The following SCHIP1 variants were observed in gnomAD, a reference collection of about 807,000 sequenced individuals.
SCHIP1 encodes schwannomin interacting protein 1.
A neutral mutation model predicts 29.7 loss-of-function variants in SCHIP1; 8 were observed. That is an observed-to-expected ratio of 0.27 (90% CI 0.16 to 0.49). SCHIP1 has a LOEUF of 0.49. SCHIP1 is among the 20% of genes least tolerant of loss of function. The pLI is 0.99. For synonymous variants in SCHIP1, 76 were observed against 94.9 expected (o/e 0.80, Z 1.16); for missense variants, 193 against 294.6 (o/e 0.66, Z 2.52).
At chr3:159,635,996 G>GA in the SCHIP1 span, among the ~76,000 whole-genome samples, 74 of 151,478 alleles carry the variant, frequency 4.9e-4, 1 homozygote, top group East Asian at 4.8e-3. Flanking sequence ...TTTTTCTTTT[G>GA]AAAAAAAATG....
chr3:159,802,055 A>T, the SCHIP1 span, among the ~76,000 whole-genome samples: 1 of 152,346 alleles, frequency 6.6e-6, no homozygotes, highest in Non-Finnish European at 1.5e-5. Flanking sequence ...TTATTAAATC[A>T]CAGGTCTATG....
At chr3:159,547,486 G>A in the SCHIP1 span, among the ~76,000 whole-genome samples, 1 of 152,266 alleles carries the variant, frequency 6.6e-6, no homozygotes, top group African/African-American at 2.4e-5. Context: ...TGAAGCCTTT[G>A]CCCATGCCTA....
chr3:159,889,044 T>C, intron 5 of SCHIP1, 101 bp downstream of exon 6: 5 of 1,419,934 alleles, frequency 3.5e-6, no homozygotes, highest in South Asian at 1.5e-5. Context: ...TTTCATTGGG[T>C]TCCTGTGTGA....
the SCHIP1 span, among the ~76,000 whole-genome samples, chr3:159,791,818 G>A: frequency 6.6e-6 from 1 of 152,130 alleles, no homozygotes; most frequent in Non-Finnish European, 1.5e-5. Flanking sequence ...TAAAGAACAA[G>A]GAAAGGAATC....
the SCHIP1 span, among the ~76,000 whole-genome samples, chr3:159,385,016 G>A: frequency 3.3e-5 from 5 of 151,756 alleles, no homozygotes; most frequent in African/African-American, 1.2e-4. Context: ...TTCTTTATTA[G>A]TCTTGCTAGC....
the SCHIP1 span, among the ~76,000 whole-genome samples, chr3:159,682,254 T>A: frequency 1.1e-4 from 17 of 152,168 alleles, no homozygotes; most frequent in Non-Finnish European, 4.4e-5. Flanking sequence ...TTCTTCCTCT[T>A]CCCTTTTTCT....
the SCHIP1 span, among the ~76,000 whole-genome samples, chr3:159,281,411 C>T: frequency 1.3e-5 from 2 of 152,104 alleles, no homozygotes; most frequent in African/African-American, 4.8e-5. Context: ...GCGCCTAAAA[C>T]ACATATGCAC....
chr3:159,294,902 A>G, the SCHIP1 span, among the ~76,000 whole-genome samples: 1 of 152,006 alleles, frequency 6.6e-6, no homozygotes, highest in African/African-American at 2.4e-5. Flanking sequence ...AATTAGGAAT[A>G]CTCTTCATAA....
At chr3:159,822,640 C>T in the SCHIP1 span, among the ~76,000 whole-genome samples, 1 of 143,630 alleles carries the variant, frequency 7.0e-6, no homozygotes, top group Non-Finnish European at 1.5e-5. Context: ...AAAGTAGATG[C>T]GGTTTTTGCC....
the SCHIP1 span, among the ~76,000 whole-genome samples, chr3:159,429,328 C>A: frequency 6.6e-6 from 1 of 151,874 alleles, no homozygotes; most frequent in Non-Finnish European, 1.5e-5. Context: ...TCCCCTACTT[C>A]GTGCTATGAA....
the SCHIP1 span, among the ~76,000 whole-genome samples, chr3:159,817,738 T>A: frequency 1.3e-5 from 2 of 152,226 alleles, no homozygotes; most frequent in Admixed American, 6.5e-5. Context: ...TGTAACCTGT[T>A]ACCTTCTGGT....
chr3:159,289,950 A>G, the SCHIP1 span, among the ~76,000 whole-genome samples: 19 of 152,368 alleles, frequency 1.2e-4, no homozygotes, highest in Non-Finnish European at 2.4e-4. Context: ...GCAGAATGCC[A>G]GAGGGCAGGG....
At chr3:159,516,148 T>G in the SCHIP1 span, among the ~76,000 whole-genome samples, 1 of 152,146 alleles carries the variant, frequency 6.6e-6, no homozygotes, top group South Asian at 2.1e-4. Flanking sequence ...GTGGGTGATT[T>G]CAGGCTATAC....
chr3:159,857,315 G>A (rs1713501813), intron 1 of SCHIP1, among the ~76,000 whole-genome samples: 1 of 152,050 alleles, frequency 6.6e-6, no homozygotes, highest in Admixed American at 6.6e-5. Context: ...GCACACACAT[G>A]TCCCCTTCCA....
At chr3:159,344,982 C>T in the SCHIP1 span, among the ~76,000 whole-genome samples, 1 of 152,156 alleles carries the variant, frequency 6.6e-6, no homozygotes, top group Non-Finnish European at 1.5e-5. Context: ...GGCACGGTGG[C>T]ACACGCCTGT....
the SCHIP1 span, among the ~76,000 whole-genome samples, chr3:159,831,630 C>G: frequency 1.3e-5 from 2 of 152,048 alleles, no homozygotes; most frequent in Non-Finnish European, 2.9e-5. Flanking sequence ...TACTTGAATA[C>G]AAGCATTATG....
At chr3:159,762,906 T>C in the SCHIP1 span, among the ~76,000 whole-genome samples, 6 of 152,186 alleles carry the variant, frequency 3.9e-5, no homozygotes, top group Non-Finnish European at 8.8e-5. Flanking sequence ...TATCTACCTC[T>C]TCCCCTCCTT....
the SCHIP1 span, among the ~76,000 whole-genome samples, chr3:159,670,250 A>C: frequency 6.6e-6 from 1 of 152,214 alleles, no homozygotes; most frequent in African/African-American, 2.4e-5. Context: ...AAACAAACCC[A>C]TCAAGAAGAA....
the SCHIP1 span, among the ~76,000 whole-genome samples, chr3:159,736,248 G>A: frequency 4.6e-5 from 7 of 152,306 alleles, no homozygotes; most frequent in Admixed American, 2.6e-4. Flanking sequence ...CTGCTACAGG[G>A]GTTAACTGTG....
Sources: gnomAD v4.1 joint callset for allele counts (sites outside exome capture counted in the v4.1 genomes callset) on GRCh38, gnomAD v4.1.1 for gene constraint, MANE v1.5 for transcripts, NCBI Gene and HGNC (gene_info 2026-07-23, HGNC 2026-07-21) for gene names.